COL6A5: variants seen among roughly 807,000 people sequenced by gnomAD.
The protein encoded by COL6A5 is collagen type VI alpha 5 chain.
A neutral mutation model predicts 65.6 loss-of-function variants in COL6A5; 48 were observed. The observed-to-expected ratio is 0.73, with a 90% confidence interval of 0.58 to 0.93. The LOEUF (loss-of-function observed/expected upper bound fraction) is 0.93. Ranked by LOEUF, COL6A5 falls within the 40% of genes least tolerant of loss-of-function variation. The pLI, the probability that COL6A5 is intolerant of heterozygous loss-of-function variation, is 0.00. For synonymous variants in COL6A5, 291 were observed against 322.8 expected, an observed-to-expected ratio of 0.90 and a Z score of 1.05; for missense variants, 914 against 928.3, an observed-to-expected ratio of 0.98 and a Z score of 0.20.
At chr3:130,355,225 A>G (rs1003661398) in intron 1 of COL6A5, among the ~76,000 whole-genome samples, 1 of 152,120 alleles carries the variant, frequency 6.6e-6, no homozygotes, top group South Asian at 2.1e-4. Flanking sequence ...TTTAAATTTT[A>G]AAATAAACTT....
exon 3 of COL6A5, chr3:130,440,815 C>T (rs1006197276): frequency 6.2e-7 from 1 of 1,608,700 alleles, no homozygotes; most frequent in Admixed American, 1.7e-5. Flanking sequence ...CATTTTTATA[C>T]TCGGTCAGGC....
rs144791337 is a variant in COL6A5 at position 130,360,180 on chromosome 3, A to G, written c.-28-13431A>G. ...AATTACATGCTCTTCCTAGACATCA[A>G]CTGCAAACGAGCATCTGCTTAGTGT... On this transcript the variant is annotated intron_variant and NMD_transcript_variant, in intron 1 of 41. Coordinates refer to the COL6A5 transcript ENST00000312481. Among the ~76,000 whole-genome samples, 701 of 152,260 alleles carry G rather than the reference A, an allele frequency of 4.6e-3. 8 individuals are homozygous for G. The highest frequency in any genetic ancestry group is 0.016 in the African/African-American group (666 of 41,578).
chr3:130,409,097 C>G (rs1937093222), intron 17 of COL6A5, among the ~76,000 whole-genome samples: 1 of 152,136 alleles, frequency 6.6e-6, no homozygotes, highest in African/African-American at 2.4e-5. Flanking sequence ...TTGGACAGTG[C>G]TATGTTAGAC....
intron 7 of COL6A5, among the ~76,000 whole-genome samples, chr3:130,479,306 C>A (rs1357694559): frequency 6.6e-6 from 1 of 152,104 alleles, no homozygotes; most frequent in Admixed American, 6.6e-5. Context: ...AGCTTCCCAG[C>A]CTCCAGAACT....
chr3:130,386,584 T>G (rs759361505), intron 5 of COL6A5, among the ~76,000 whole-genome samples: 1 of 152,026 alleles, frequency 6.6e-6, no homozygotes, highest in Non-Finnish European at 1.5e-5. Context: ...GTCTTTAGGG[T>G]GTCTTAGAAA....
chr3:130,374,257 G>A lies in COL6A5; in HGVS notation c.67+552G>A, dbSNP rs558126034. ...GATGGTGTAGCCTACTACACACCTA[G>A]GGCATATGATACAACCTATTGCTCA... On this transcript the variant is annotated intron_variant and NMD_transcript_variant, in intron 2 of 41. Coordinates refer to the COL6A5 transcript ENST00000312481. 2.0e-5 allele frequency among the ~76,000 whole-genome samples: 3 copies of A among 152,162 alleles called. No homozygotes were observed. The South Asian group carries it at 6.2e-4, about 32-fold the overall frequency.
At chr3:130,406,237 T>C in intron 16 of COL6A5, 31 bp from the exon 17 acceptor site, 5 of 1,549,560 alleles carry the variant, frequency 3.2e-6, no homozygotes, top group Non-Finnish European at 4.4e-6. Context: ...TTTTTTTAAG[T>C]GGGAATTTTG....
intron 24 of COL6A5, 86 bp from the exon 25 acceptor site, chr3:130,418,783 T>C: frequency 9.8e-7 from 1 of 1,019,038 alleles, no homozygotes; most frequent in Non-Finnish European, 1.5e-6. Flanking sequence ...GAACCTTGAG[T>C]CTCCTCATCG....
At chr3:130,394,048 A>T (rs1484134204) in intron 7 of COL6A5, among the ~76,000 whole-genome samples, 1 of 152,156 alleles carries the variant, frequency 6.6e-6, no homozygotes, top group Non-Finnish European at 1.5e-5. Context: ...TGTCTCAATT[A>T]CCTTTAGTAA....
Position 130,439,510 on chromosome 3 carries a change from T to A in COL6A5, c.488-12T>A, listed in dbSNP as rs1249815188. On this transcript the variant is annotated splice_polypyrimidine_tract_variant and intron_variant, in intron 1 of 7. Transcript: ENST00000512836. ...AATGAGCAAACATGCGTTCACTTCTTTTCCAATGCAGTTTGACAACACTGG... is the reference window on the plus strand; with the variant it reads ...AATGAGCAAACATGCGTTCACTTCTATTCCAATGCAGTTTGACAACACTGG... 1 of 1,543,790 alleles carries A rather than the reference T, an allele frequency of 6.5e-7. No individual in the cohort carries two copies. The highest frequency in any genetic ancestry group is 8.8e-7 in the Non-Finnish European group (1 of 1,141,652).
chr3:130,467,656 A>G (rs1232058287), intron 5 of COL6A5, among the ~76,000 whole-genome samples: 1 of 152,084 alleles, frequency 6.6e-6, no homozygotes, highest in Non-Finnish European at 1.5e-5. Flanking sequence ...ATCAAAAATT[A>G]TCTAATATAG....
intron 3 of COL6A5, among the ~76,000 whole-genome samples, chr3:130,441,089 C>T (rs1362054014): frequency 6.6e-6 from 1 of 152,024 alleles, no homozygotes; most frequent in Non-Finnish European, 1.5e-5. Context: ...GACTAGAGGT[C>T]GTATGAATCA....
intron 5 of COL6A5, among the ~76,000 whole-genome samples, chr3:130,460,198 A>T (rs1459674007): frequency 6.6e-6 from 1 of 152,142 alleles, no homozygotes; most frequent in Non-Finnish European, 1.5e-5. Context: ...GGAAGAAATC[A>T]GCAGCAGAAT....
intron 1 of COL6A5, among the ~76,000 whole-genome samples, chr3:130,364,809 C>T (rs578128069): frequency 6.6e-6 from 1 of 152,278 alleles, no homozygotes; most frequent in Non-Finnish European, 1.5e-5. Flanking sequence ...ATTGGATATC[C>T]CAGCAGGTCT....
rs948961106 is a variant in COL6A5, at chr3:130,382,357, C to G, written c.1300+2307C>G. ...GGAGTTGCCAGAAACTCAGGGGCAG[C>G]TCACCTACAGATATAGCATTTGCTA... On this transcript the variant is annotated intron_variant and NMD_transcript_variant, in intron 4 of 41. Transcript: ENST00000312481. Among the ~76,000 whole-genome samples, 4 of 152,234 alleles carry G rather than the reference C, an allele frequency of 2.6e-5. No homozygotes were observed. The South Asian group carries it at 8.3e-4, about 32-fold the overall frequency.
In COL6A5 at chr3:130,397,875, G is replaced by C. The variant is rs1374140173; in HGVS notation, c.3861G>C (p.Leu1287Phe). The C allele has an allele frequency of 2.6e-6, 4 of 1,551,574 alleles. No individual in the cohort carries two copies. The Admixed American group carries it at 5.9e-5, about 23-fold the overall frequency. The change falls in exon 9 of 42, where the codon TTG becomes TTC. Residue 1287 changes from leucine to phenylalanine, a missense_variant and NMD_transcript_variant. Transcript: ENST00000312481. ...CAACTCATCTGAACGCACAGTTCTT[G>C]CGGTCTCTTTGGGACACATTTAAGG...
intron 5 of COL6A5, among the ~76,000 whole-genome samples, chr3:130,457,267 T>C (rs1709594547): frequency 6.6e-6 from 1 of 152,044 alleles, no homozygotes; most frequent in Non-Finnish European, 1.5e-5. Context: ...GAGTATCAAA[T>C]TGTCATTTGT....
exon 5 of COL6A5, chr3:130,384,907 G>A: frequency 6.4e-7 from 1 of 1,550,932 alleles, no homozygotes; most frequent in Non-Finnish European, 8.7e-7. Flanking sequence ...TGTTGGAAGT[G>A]ACAGAAATGT....
rs181606970 is a variant in COL6A5 at position 130,387,188 on chromosome 3, A to G, written c.1862-1392A>G. 7.2e-5 allele frequency among the ~76,000 whole-genome samples: 11 copies of G among 152,180 alleles called. No individual in the cohort carries two copies. In the East Asian group the frequency reaches 2.1e-3, roughly 29 times the overall value. ...CTCAACTGTTTTAATGGTAAGACCC[A>G]GAAGTGGCCAGATCACTTTTTTCTC... is the stretch of plus-strand genomic sequence containing the variant. On this transcript the variant is annotated intron_variant and NMD_transcript_variant, in intron 5 of 41. Coordinates refer to the COL6A5 transcript ENST00000312481.
Sources: gnomAD v4.1 joint callset for allele counts (sites outside exome capture counted in the v4.1 genomes callset) on GRCh38, gnomAD v4.1.1 for gene constraint, MANE v1.5 for transcripts, NCBI Gene and HGNC (gene_info 2026-07-23, HGNC 2026-07-21) for gene names.